Variants in PABPC4L observed in about 807,000 individuals in gnomAD.
PABPC4L encodes the protein poly(A) binding protein cytoplasmic 4 like.
For missense variants in PABPC4L, 452 were observed against 451.4 expected (o/e 1.00, Z -0.01); for synonymous variants, 169 against 164.1 (o/e 1.03, Z -0.23).
the PABPC4L span, among the ~76,000 whole-genome samples, chr4:134,171,989 A>G: frequency 3.9e-5 from 6 of 152,258 alleles, no homozygotes; most frequent in East Asian, 5.8e-4. Context: ...AATGAGAATT[A>G]CAAACCAGTG....
At chr4:134,122,017 T>A in the PABPC4L span, among the ~76,000 whole-genome samples, 1 of 151,854 alleles carries the variant, frequency 6.6e-6, no homozygotes, top group African/African-American at 2.4e-5. Flanking sequence ...CTTATAATTT[T>A]TATTTTTTTA....
the PABPC4L span, among the ~76,000 whole-genome samples, chr4:133,950,972 A>T: frequency 6.6e-6 from 1 of 152,232 alleles, no homozygotes; most frequent in South Asian, 2.1e-4. Context: ...ATTAGTATAC[A>T]TAATGCTGTC....
At chr4:134,022,085 A>G in the PABPC4L span, among the ~76,000 whole-genome samples, 1 of 152,102 alleles carries the variant, frequency 6.6e-6, no homozygotes. Flanking sequence ...CTAGAAAAAA[A>G]CCCATCAGTT....
At chr4:134,091,008 T>C in the PABPC4L span, among the ~76,000 whole-genome samples, 2 of 152,074 alleles carry the variant, frequency 1.3e-5, no homozygotes, top group Admixed American at 1.3e-4. Context: ...TCCATATTAC[T>C]TTTGGTATTA....
the PABPC4L span, among the ~76,000 whole-genome samples, chr4:133,971,806 G>A: frequency 6.6e-6 from 1 of 151,912 alleles, no homozygotes; most frequent in African/African-American, 2.4e-5. Context: ...TTTTCTCCCC[G>A]TTTTCATGTT....
the PABPC4L span, among the ~76,000 whole-genome samples, chr4:133,972,917 T>C: frequency 1.3e-5 from 2 of 152,110 alleles, no homozygotes; most frequent in African/African-American, 4.8e-5. Flanking sequence ...CAGTAATTGT[T>C]ATAACAGGAC....
chr4:134,159,788 T>A, the PABPC4L span, among the ~76,000 whole-genome samples: 1 of 152,070 alleles, frequency 6.6e-6, no homozygotes, highest in South Asian at 2.1e-4. Flanking sequence ...ACCCAGAGTG[T>A]CACCAGCTGC....
chr4:134,145,383 A>C, the PABPC4L span, among the ~76,000 whole-genome samples: 2 of 151,946 alleles, frequency 1.3e-5, no homozygotes, highest in African/African-American at 4.8e-5. Context: ...AACAGTGAAT[A>C]AAAGAAAAGC....
chr4:133,988,941 A>T, the PABPC4L span, among the ~76,000 whole-genome samples: 1 of 152,068 alleles, frequency 6.6e-6, no homozygotes, highest in Non-Finnish European at 1.5e-5. Context: ...CAGGACAAAC[A>T]CCATGTGGAA....
At chr4:134,043,742 T>G in the PABPC4L span, among the ~76,000 whole-genome samples, 2 of 152,060 alleles carry the variant, frequency 1.3e-5, no homozygotes, top group Admixed American at 6.6e-5. Flanking sequence ...TGTAATACAG[T>G]GCACTATTGC....
the PABPC4L span, among the ~76,000 whole-genome samples, chr4:134,077,324 T>C: frequency 6.6e-6 from 1 of 152,170 alleles, no homozygotes; most frequent in African/African-American, 2.4e-5. Context: ...GTCTTACTTT[T>C]ACTTTTTTCT....
the PABPC4L span, among the ~76,000 whole-genome samples, chr4:134,009,626 A>C: frequency 6.6e-6 from 1 of 151,958 alleles, no homozygotes; most frequent in Non-Finnish European, 1.5e-5. Context: ...TTTCTTTCCT[A>C]TTGTGGAGAA....
the PABPC4L span, among the ~76,000 whole-genome samples, chr4:134,004,119 A>C: frequency 6.6e-6 from 1 of 151,852 alleles, no homozygotes; most frequent in Non-Finnish European, 1.5e-5. Context: ...GGCACAGGCA[A>C]CAAAAGCAAA....
the PABPC4L span, among the ~76,000 whole-genome samples, chr4:134,048,673 T>C: frequency 3.3e-5 from 5 of 152,112 alleles, no homozygotes; most frequent in Non-Finnish European, 7.4e-5. Context: ...GTAATGATCA[T>C]TCAAATCACA....
At chr4:134,158,200 G>A in the PABPC4L span, among the ~76,000 whole-genome samples, 2 of 151,886 alleles carry the variant, frequency 1.3e-5, no homozygotes, top group African/African-American at 4.8e-5. Flanking sequence ...TCAGTAAATA[G>A]TGAAGTGATT....
At chr4:134,180,092 C>A in the PABPC4L span, among the ~76,000 whole-genome samples, 1 of 150,694 alleles carries the variant, frequency 6.6e-6, no homozygotes, top group African/African-American at 2.5e-5. Context: ...AGAATATACA[C>A]TATTATCATT....
the PABPC4L span, among the ~76,000 whole-genome samples, chr4:133,967,620 G>A: frequency 2.0e-5 from 3 of 152,178 alleles, no homozygotes; most frequent in Non-Finnish European, 2.9e-5. Flanking sequence ...ATTGCTAGAG[G>A]ATCAGGAAAA....
At chr4:133,980,877 G>T in the PABPC4L span, among the ~76,000 whole-genome samples, 1 of 152,244 alleles carries the variant, frequency 6.6e-6, no homozygotes, top group East Asian at 1.9e-4. Context: ...CCACCAAAAG[G>T]CCGGGCACAG....
the PABPC4L span, among the ~76,000 whole-genome samples, chr4:134,071,630 G>A: frequency 2.6e-5 from 4 of 152,192 alleles, no homozygotes; most frequent in South Asian, 8.3e-4. Flanking sequence ...TTAGGCATGA[G>A]GCTGAGGTAG....
Sources: allele counts gnomAD v4.1 joint callset (sites outside exome capture counted in the v4.1 genomes callset), GRCh38; gene constraint gnomAD v4.1.1; transcripts MANE v1.5; gene names NCBI Gene and HGNC (gene_info 2026-07-23, HGNC 2026-07-21).